MAML2: variants seen among roughly 807,000 people sequenced by gnomAD.
The protein encoded by MAML2 is mastermind like transcriptional coactivator 2.
MAML2 carries 22 observed loss-of-function variants against 96.1 expected under a neutral mutation model. The observed-to-expected ratio is 0.23, with a 90% CI of 0.16 to 0.33. The LOEUF is 0.33. Ranked by LOEUF, MAML2 falls within the 10% of genes least tolerant of loss-of-function variation. The probability of loss-of-function intolerance (pLI) is 1.00; values close to 1 mark genes in which losing one functional copy is unlikely to be tolerated. For synonymous variants in MAML2, 561 were observed against 521.3 expected, an observed-to-expected ratio of 1.08 and a Z score of -1.04; for missense variants, 1,367 against 1,392.4, an observed-to-expected ratio of 0.98 and a Z score of 0.29.
At chr11:96,095,159 T>C (rs1044775116) in intron 1 of MAML2, among the ~76,000 whole-genome samples, 2 of 152,104 alleles carry the variant, frequency 1.3e-5, no homozygotes, top group Non-Finnish European at 2.9e-5. Context: ...TCTAACATGC[T>C]CTAATTAGTT....
intron 1 of MAML2, among the ~76,000 whole-genome samples, chr11:96,097,270 T>TA (rs1859846604): frequency 6.6e-6 from 1 of 152,142 alleles, no homozygotes; most frequent in African/African-American, 2.4e-5. Flanking sequence ...AAAGCCAACT[T>TA]ACCAGAACAA....
chr11:96,256,744 T>C (rs1057078109), intron 1 of MAML2, among the ~76,000 whole-genome samples: 2 of 152,234 alleles, frequency 1.3e-5, no homozygotes, highest in African/African-American at 4.8e-5. Context: ...CACAGTCAAC[T>C]CTTGAGCTAG....
intron 1 of MAML2, among the ~76,000 whole-genome samples, chr11:96,145,110 G>C (rs1373370955): frequency 2.0e-5 from 3 of 152,194 alleles, no homozygotes; most frequent in Non-Finnish European, 4.4e-5. Flanking sequence ...AAGTCTGTGG[G>C]TTGGGCAAAC....
chr11:95,982,153 G>A (rs1293383139), intron 4 of MAML2, among the ~76,000 whole-genome samples: 1 of 152,120 alleles, frequency 6.6e-6, no homozygotes, highest in African/African-American at 2.4e-5. Flanking sequence ...CAGAAGACAT[G>A]GGAAACGCAA....
chr11:96,037,145 C>T (rs1858727484), intron 2 of MAML2, among the ~76,000 whole-genome samples: 1 of 148,952 alleles, frequency 6.7e-6, no homozygotes, highest in Non-Finnish European at 1.5e-5. Context: ...AAAACTTTGG[C>T]TTGTTTTTCT....
chr11:96,000,394 T>C (rs1858062764), intron 2 of MAML2, among the ~76,000 whole-genome samples: 1 of 152,164 alleles, frequency 6.6e-6, no homozygotes, highest in Non-Finnish European at 1.5e-5. Flanking sequence ...GTGGCTGCTT[T>C]CCCACTATAA....
chr11:96,221,831 A>G (rs1375620430), intron 1 of MAML2, among the ~76,000 whole-genome samples: 1 of 152,070 alleles, frequency 6.6e-6, no homozygotes, highest in East Asian at 1.9e-4. Flanking sequence ...TGAGCAGAAG[A>G]ACAAGGTCAG....
chr11:96,158,396 C>T (rs148950286), intron 1 of MAML2, among the ~76,000 whole-genome samples: 12 of 152,292 alleles, frequency 7.9e-5, no homozygotes, highest in Admixed American at 2.6e-4. Context: ...TGACCATCTG[C>T]CCCAGTTTCC....
chr11:96,138,174 A>T (rs1860667800), intron 1 of MAML2, among the ~76,000 whole-genome samples: 2 of 152,252 alleles, frequency 1.3e-5, no homozygotes, highest in Admixed American at 6.5e-5. Context: ...ACACCCAAAA[A>T]TGGTGACATG....
At chr11:96,149,132 G>A (rs1860875836) in intron 1 of MAML2, among the ~76,000 whole-genome samples, 1 of 152,116 alleles carries the variant, frequency 6.6e-6, no homozygotes, top group Non-Finnish European at 1.5e-5. Context: ...TTGAAAAGTA[G>A]GCCAGGTGTG....
chr11:96,015,729 G>T (rs1244196102), intron 2 of MAML2, among the ~76,000 whole-genome samples: 1 of 152,094 alleles, frequency 6.6e-6, no homozygotes, highest in East Asian at 1.9e-4. Context: ...TAGATACTAA[G>T]AATATGAACT....
In MAML2 at chr11:96,092,773, C is replaced by T. The variant is rs1859747721; in HGVS notation, c.1258G>A (p.Ala420Thr). The T allele has an allele frequency of 6.2e-7, 1 of 1,613,106 alleles. No individual in the cohort carries two copies. ...SQAQPQTGSG[A>T]SRALPSWQEV... ...TGCCAGCTTGGCAAGGCCCGGCTTG[C>T]TCCGGAGCCTGTCTGAGGCTGAGCC... The change falls in exon 2 of 5, where the codon GCA (alanine) becomes ACA (threonine). Residue 420 changes from alanine to threonine, a missense_variant. Transcript: ENST00000524717. This position sits in a 1 kb window ranked among gnomAD's most constrained non-coding sequence, Gnocchi z 4.1.
intron 1 of MAML2, among the ~76,000 whole-genome samples, chr11:96,260,182 T>C (rs1862727948): frequency 6.7e-6 from 1 of 150,356 alleles, no homozygotes; most frequent in African/African-American, 2.4e-5. Flanking sequence ...CTCTGTGTGG[T>C]GTTGGGGGAT....
At chr11:96,076,153 T>TCCA (rs1859431039) in intron 2 of MAML2, among the ~76,000 whole-genome samples, 1 of 152,194 alleles carries the variant, frequency 6.6e-6, no homozygotes, top group Non-Finnish European at 1.5e-5. Flanking sequence ...TCGTTTGAAA[T>TCCA]ATCATCAAGC....
At chr11:96,106,831 T>C (rs1860029274) in intron 1 of MAML2, among the ~76,000 whole-genome samples, 1 of 152,130 alleles carries the variant, frequency 6.6e-6, no homozygotes, top group African/African-American at 2.4e-5. Flanking sequence ...ACCCAAAACA[T>C]ACATTTCTTC....
rs370804957 is a variant in MAML2 at position 95,979,383 on chromosome 11, C to G, written c.3036G>C (p.Arg1012Ser). The G allele has an allele frequency of 6.2e-7, 1 of 1,613,578 alleles. No individual in the cohort carries two copies. The highest frequency in any genetic ancestry group is 8.5e-7 in the Non-Finnish European group (1 of 1,179,740). Residue 1012 changes from arginine to serine, a missense_variant, in exon 5 of 5, where the codon AGG (arginine) becomes AGC (serine). Physicochemically the swap from Arg to Ser is moderately radical, Grantham distance 110. Coordinates refer to ENST00000524717, the MANE Select transcript of MAML2 (RefSeq NM_032427.4). ...TTAACTGGTTAGGAGGAGCCACTGC[C>G]CTCTGGGAAAATTGCTGGCTACCTA... ...QAVGSQQFSQ[R>S]AVAPPNQLTP...
intron 2 of MAML2, among the ~76,000 whole-genome samples, chr11:96,038,364 T>G (rs141847450): frequency 1.2e-4 from 19 of 152,350 alleles, no homozygotes; most frequent in Non-Finnish European, 2.6e-4. Context: ...GAAACTAGAT[T>G]TTGCGTAAAT....
At chr11:95,999,321 C>G (rs1158239867) in intron 2 of MAML2, among the ~76,000 whole-genome samples, 1 of 152,070 alleles carries the variant, frequency 6.6e-6, no homozygotes, top group East Asian at 1.9e-4. Context: ...AAGATGTTAA[C>G]TAATAAAATC....
At chr11:96,064,557 T>A (rs1266800935) in intron 2 of MAML2, among the ~76,000 whole-genome samples, 1 of 152,254 alleles carries the variant, frequency 6.6e-6, no homozygotes, top group African/African-American at 2.4e-5. Flanking sequence ...TAGCTATGCA[T>A]CTTTGGCAAA....
Sources: allele counts gnomAD v4.1 joint callset (sites outside exome capture counted in the v4.1 genomes callset), GRCh38; gene constraint gnomAD v4.1.1; non-coding constraint Gnocchi (gnomAD v3.1); transcripts MANE v1.5; gene names NCBI Gene and HGNC (gene_info 2026-07-23, HGNC 2026-07-21).